Variants in ELMOD1 observed in about 807,000 individuals in gnomAD.
ELMOD1 encodes ELMO domain-containing protein 1.
Under a neutral mutation model 46.7 loss-of-function variants are expected in ELMOD1, and 21 were observed. The ratio of observed to expected loss-of-function variants is 0.45; its 90% confidence interval spans 0.32 to 0.65. ELMOD1 has a LOEUF of 0.65. ELMOD1 is among the 30% of genes least tolerant of loss of function. ELMOD1 has a pLI of 0.04. For synonymous variants in ELMOD1, 122 were observed against 138.2 expected (o/e 0.88, Z 0.82); for missense variants, 348 against 407.8 (o/e 0.85, Z 1.26).
At position 107,650,750 on chromosome 11, in the gene ELMOD1, T is replaced by TAAG. The variant is rs551063326; in HGVS notation, c.624-131_624-129dup. 168 of 654,110 alleles carry TAAG rather than the reference T, an allele frequency of 2.6e-4. 1 individual carries two copies. The South Asian group carries it at 3.5e-3, about 14-fold the overall frequency. 40.5% of individuals were successfully genotyped at this position (654,110 alleles called of 1,614,324 possible). On this transcript the variant is annotated intron_variant, in intron 8 of 11. Coordinates refer to ENST00000265840, the MANE Select transcript of ELMOD1 (RefSeq NM_018712.4). ...GGGGAACAGAAGGAAGAATGGAAGT[T>TAAG]AAGAAGTCAGGGACCAAGTGAGAAC... is the stretch of plus-strand genomic sequence containing the variant.
At chr11:107,630,982 C>A (rs1866125996) in intron 4 of ELMOD1, among the ~76,000 whole-genome samples, 1 of 152,014 alleles carries the variant, frequency 6.6e-6, no homozygotes, top group Non-Finnish European at 1.5e-5. Context: ...TACCTCTTCC[C>A]AAATCATAAA....
chr11:107,622,524 T>A (rs1190700231), intron 2 of ELMOD1, among the ~76,000 whole-genome samples: 1 of 152,198 alleles, frequency 6.6e-6, no homozygotes, highest in Non-Finnish European at 1.5e-5. Flanking sequence ...GAGCCAGACA[T>A]CTAGTCCAAT....
At chr11:107,598,750 G>A (rs1164796533) in intron 1 of ELMOD1, among the ~76,000 whole-genome samples, 1 of 152,192 alleles carries the variant, frequency 6.6e-6, no homozygotes, top group Non-Finnish European at 1.5e-5. Flanking sequence ...GCCTGGTGGT[G>A]GCAGTAGAGG....
intron 11 of ELMOD1, among the ~76,000 whole-genome samples, chr11:107,662,839 C>G (rs1391366872): frequency 2.0e-5 from 3 of 151,918 alleles, no homozygotes; most frequent in Non-Finnish European, 4.4e-5. Flanking sequence ...CTGCAGTGAG[C>G]TGAGATTCGC....
At chr11:107,647,747 T>A in intron 7 of ELMOD1, 146 bp downstream of exon 7, 1 of 724,086 alleles carries the variant, frequency 1.4e-6, no homozygotes, top group Non-Finnish European at 2.0e-6. Flanking sequence ...GTCAGGTTCA[T>A]AAAATGTTAA....
chr11:107,641,318 T>C (rs79932102), intron 6 of ELMOD1, among the ~76,000 whole-genome samples: 2 of 51,250 alleles, frequency 3.9e-5, no homozygotes, highest in Non-Finnish European at 9.3e-5. Context: ...AAAAAATAAG[T>C]ATATATATAT....
intron 6 of ELMOD1, among the ~76,000 whole-genome samples, chr11:107,638,036 A>C (rs541315017): frequency 1.3e-5 from 2 of 152,292 alleles, no homozygotes; most frequent in African/African-American, 4.8e-5. Context: ...CTGTATCCTC[A>C]TCACATATAG....
chr11:107,625,810 C>A (rs774630105), intron 2 of ELMOD1, among the ~76,000 whole-genome samples: 8 of 152,130 alleles, frequency 5.3e-5, no homozygotes, highest in Non-Finnish European at 1.0e-4. Flanking sequence ...CATCACTCTG[C>A]AGCATATTAA....
chr11:107,645,007 T>C (rs1313615089), intron 6 of ELMOD1, among the ~76,000 whole-genome samples: 4 of 150,814 alleles, frequency 2.7e-5, no homozygotes, highest in Non-Finnish European at 5.9e-5. Flanking sequence ...CACTGCAAGC[T>C]CCGCCTCTGG....
intron 1 of ELMOD1, among the ~76,000 whole-genome samples, chr11:107,616,115 C>G (rs1865859603): frequency 6.6e-6 from 1 of 150,424 alleles, no homozygotes; most frequent in African/African-American, 2.5e-5. Flanking sequence ...CCTGCCTCAG[C>G]CTCCCAAGTA....
intron 1 of ELMOD1, among the ~76,000 whole-genome samples, chr11:107,610,124 G>A (rs895826176): frequency 6.6e-6 from 1 of 152,186 alleles, no homozygotes; most frequent in African/African-American, 2.4e-5. Flanking sequence ...AGAGCAGAAG[G>A]AGACATGAAA....
intron 2 of ELMOD1, among the ~76,000 whole-genome samples, chr11:107,629,914 G>C (rs1006364010): frequency 6.6e-6 from 1 of 152,038 alleles, no homozygotes; most frequent in Non-Finnish European, 1.5e-5. Context: ...CAGAGGGAAA[G>C]AGGAAAGAAT....
rs567900311 is a variant in ELMOD1, at chr11:107,628,646, T to C, written c.18-1771T>C. On this transcript the variant is annotated intron_variant, in intron 2 of 11. Transcript: ENST00000265840. The stretch of plus-strand genomic sequence containing the variant: ...AACAGTTGAATGAACAGTAAATCCA[T>C]TTTTGTCTTTCCGCAGAATCTGGTT... Among the ~76,000 whole-genome samples the C allele has an allele frequency of 4.3e-4, 65 of 151,834 alleles. 1 individual carries two copies. The South Asian group carries it at 0.012, about 27-fold the overall frequency.
chr11:107,621,001 A>C lies in ELMOD1; in HGVS notation c.17+2795A>C, dbSNP rs528322851. Among the ~76,000 whole-genome samples the C allele has an allele frequency of 2.6e-5, 4 of 152,378 alleles. No homozygotes were observed. In the South Asian group the frequency reaches 8.3e-4, roughly 32 times the overall value. On this transcript the variant is annotated intron_variant, in intron 2 of 11. Transcript: ENST00000265840. ...CAAAAGCTTAGGGTTTCATTTTTGTAATATATTTTACTAACTTTAATTCAG... is the reference window on the plus strand; with the variant it reads ...CAAAAGCTTAGGGTTTCATTTTTGTCATATATTTTACTAACTTTAATTCAG...
At chr11:107,638,781 A>T (rs939068225) in intron 6 of ELMOD1, among the ~76,000 whole-genome samples, 4 of 152,212 alleles carry the variant, frequency 2.6e-5, no homozygotes, top group Non-Finnish European at 2.9e-5. Flanking sequence ...ATCCTAGTTT[A>T]AAGGCAAAGT....
intron 1 of ELMOD1, chr11:107,592,391 C>G (rs371774955): frequency 3.7e-6 from 2 of 534,332 alleles, no homozygotes; most frequent in Non-Finnish European, 7.7e-6. Flanking sequence ...TTGGAGAGAC[C>G]AATTTTGGGC....
intron 1 of ELMOD1, chr11:107,592,674 T>C: frequency 4.3e-6 from 1 of 231,734 alleles, no homozygotes; most frequent in Non-Finnish European, 8.9e-6. Flanking sequence ...TTCTCTCATC[T>C]TAATCTTTTT....
At chr11:107,604,568 A>G (rs1865656527) in intron 1 of ELMOD1, among the ~76,000 whole-genome samples, 4 of 152,206 alleles carry the variant, frequency 2.6e-5, no homozygotes, top group Admixed American at 2.6e-4. Flanking sequence ...CACTAAAATT[A>G]GATGAATTGT....
chr11:107,622,546 A>G lies in ELMOD1; in HGVS notation c.17+4340A>G, dbSNP rs189121050. ...ACATCTAGTCCAATCCCTTCACCTT[A>G]TGTGTGAGAAAGAAGAAACCCAGAG... On this transcript the variant is annotated intron_variant, in intron 2 of 11. Coordinates refer to ENST00000265840, the MANE Select transcript of ELMOD1 (RefSeq NM_018712.4). Among the ~76,000 whole-genome samples the G allele has an allele frequency of 4.0e-3, 609 of 152,334 alleles. 22 individuals are homozygous for G. Among genetic ancestry groups the G allele is most frequent in the Non-Finnish European group, 6.5e-4 (44 of 68,024 alleles).
Sources: gnomAD v4.1 joint callset for allele counts (sites outside exome capture counted in the v4.1 genomes callset) on GRCh38, gnomAD v4.1.1 for gene constraint, MANE v1.5 for transcripts, NCBI Gene and HGNC (gene_info 2026-07-23, HGNC 2026-07-21) for gene names.